NCOR2: variants seen among roughly 807,000 people sequenced by gnomAD.
NCOR2 encodes the protein nuclear receptor corepressor 2, also known as CTG repeat protein 26.
A neutral mutation model predicts 262.9 loss-of-function variants in NCOR2; 81 were observed. That is an observed-to-expected ratio of 0.31 (90% CI 0.26 to 0.37). NCOR2 has a LOEUF of 0.37. Ranked by LOEUF, NCOR2 falls within the 10% of genes least tolerant of loss-of-function variation. The pLI is 1.00. For missense variants in NCOR2, 3,385 were observed against 3,621.4 expected, an observed-to-expected ratio of 0.93 and a Z score of 1.68; for synonymous variants, 1,659 against 1,559.3, an observed-to-expected ratio of 1.06 and a Z score of -1.51.
chr12:124,410,545 C>T (rs896745620), intron 13 of NCOR2, among the ~76,000 whole-genome samples: 2 of 152,112 alleles, frequency 1.3e-5, no homozygotes, highest in Admixed American at 1.3e-4. Context: ...CCTCCTCTGG[C>T]AGGCCTGGGA....
intron 16 of NCOR2, chr12:124,388,782 G>GCGGCCGCGGT: frequency 7.7e-7 from 1 of 1,303,464 alleles, no homozygotes; most frequent in East Asian, 5.6e-5. Context: ...GGCAGGCTGG[G>GCGGCCGCGGT]CGGCCGCGGT....
rs568323081 is a variant in NCOR2, at chr12:124,419,220, G to A, written c.1482+737C>T. On this transcript the variant is annotated intron_variant, in intron 13 of 46. Transcript: ENST00000405201. ...AAACCAACTCCTTTTCCTCTAACTC[G>A]GAGGAAAAAGCAAACTTTTTCTATG... Among the ~76,000 whole-genome samples the A allele has an allele frequency of 2.6e-5, 4 of 152,198 alleles. No homozygotes were observed. In the East Asian group the frequency reaches 5.8e-4, roughly 22 times the overall value.
At chr12:124,339,569 A>T (rs1459184090) in intron 37 of NCOR2, among the ~76,000 whole-genome samples, 2 of 134,988 alleles carry the variant, frequency 1.5e-5, no homozygotes, top group African/African-American at 5.6e-5. Flanking sequence ...CCATCCATCC[A>T]CCCACCCAGC....
At chr12:124,340,235 AG>A in intron 36 of NCOR2, 31 bp from the exon 39 acceptor site, 1 of 1,605,240 alleles carries the variant, frequency 6.2e-7, no homozygotes. Flanking sequence ...CAGCAGGGGG[AG>A]GCCTCTTGCG....
At chr12:124,342,531 G>A (rs977671903) in intron 33 of NCOR2, among the ~76,000 whole-genome samples, 8 of 151,924 alleles carry the variant, frequency 5.3e-5, no homozygotes, top group African/African-American at 9.7e-5. Flanking sequence ...CACCACACCC[G>A]GCTAGTTTTT....
intron 44 of NCOR2, chr12:124,329,270 T>G: frequency 2.6e-6 from 1 of 389,482 alleles, no homozygotes; most frequent in Non-Finnish European, 5.1e-6. Context: ...GAGATCAGCC[T>G]GGCCAATATG....
chr12:124,435,417 G>C (rs1054528500), intron 8 of NCOR2, among the ~76,000 whole-genome samples: 2 of 152,230 alleles, frequency 1.3e-5, no homozygotes, highest in African/African-American at 4.8e-5. Flanking sequence ...GCTGGGCAAG[G>C]CACTGCTGGG....
exon 47 of NCOR2, chr12:124,325,536 C>T (rs2034548768): frequency 1.5e-6 from 2 of 1,336,510 alleles, no homozygotes; most frequent in African/African-American, 1.5e-5. Context: ...GCCATGACAC[C>T]CGCCTGCAGC....
intron 13 of NCOR2, among the ~76,000 whole-genome samples, chr12:124,410,284 C>A (rs561535202): frequency 6.7e-6 from 1 of 150,362 alleles, no homozygotes; most frequent in East Asian, 2.0e-4. Context: ...TGCATCCTGG[C>A]CCATGCAAAG....
intron 8 of NCOR2, 88 bp downstream of exon 10, chr12:124,437,842 G>T: frequency 1.5e-6 from 2 of 1,296,058 alleles, no homozygotes; most frequent in African/African-American, 1.5e-5. Context: ...CTGCGGAACT[G>T]ACAGGGCCCC....
At chr12:124,424,830 G>A (rs936869309) in intron 11 of NCOR2, among the ~76,000 whole-genome samples, 5 of 152,116 alleles carry the variant, frequency 3.3e-5, no homozygotes, top group African/African-American at 7.2e-5. Flanking sequence ...GGTGAACGTC[G>A]GGCAGTGACA....
At chr12:124,333,229 A>G (rs753908360) in exon 42 of NCOR2, 2 of 1,612,818 alleles carry the variant, frequency 1.2e-6, no homozygotes, top group African/African-American at 2.7e-5. Context: ...CACAGGTTCA[A>G]TACCGTCCTC....
At position 124,378,840 on chromosome 12, in the gene NCOR2, C is replaced by T. The variant is rs1039007917; in HGVS notation, c.2020-456G>A. ...GGAAGCTCGCGTTTCATTCCCTGAACCTTTACAGAACACCTACTGTGTGCC... is the reference window on the plus strand; with the variant it reads ...GGAAGCTCGCGTTTCATTCCCTGAATCTTTACAGAACACCTACTGTGTGCC... On this transcript the variant is annotated intron_variant, in intron 17 of 46. Coordinates refer to ENST00000405201, the Ensembl canonical transcript of NCOR2. This position sits in a 1 kb window ranked among gnomAD's most constrained non-coding sequence, Gnocchi z 4.2. Among the ~76,000 whole-genome samples the T allele has an allele frequency of 3.3e-5, 5 of 152,218 alleles. No individual in the cohort carries two copies. The highest frequency in any genetic ancestry group is 7.3e-5 in the Non-Finnish European group (5 of 68,040).
chr12:124,372,609 G>T, exon 20 of NCOR2: 1 of 1,596,282 alleles, frequency 6.3e-7, no homozygotes, highest in Non-Finnish European at 8.5e-7. Context: ...TGTTGACAGT[G>T]GCTGTGCAGG....
At chr12:124,361,019 G>A (rs1253517809) in intron 22 of NCOR2, among the ~76,000 whole-genome samples, 1 of 151,082 alleles carries the variant, frequency 6.6e-6, no homozygotes, top group African/African-American at 2.4e-5. Flanking sequence ...TTCAACAAAT[G>A]TCCTGACCCA....
chr12:124,400,127 C>T (rs1010382299), intron 15 of NCOR2, among the ~76,000 whole-genome samples: 6 of 152,202 alleles, frequency 3.9e-5, no homozygotes, highest in Non-Finnish European at 8.8e-5. Context: ...CGGAACTGGT[C>T]ACTGGGAATT....
rs2047553253 is a variant in NCOR2 at position 124,482,545 on chromosome 12, AC to A, written c.411+1050del. Among the ~76,000 whole-genome samples, 1 of 152,108 alleles carries A rather than the reference AC, an allele frequency of 6.6e-6. No individual in the cohort carries two copies. The highest frequency in any genetic ancestry group is 2.1e-4 in the South Asian group (1 of 4,822). ...CATGGGGCCCACAGCCGAGCCCTCT[AC>A]CCACATGACCAGGTGACACCCTGCC... On this transcript the variant is annotated intron_variant, in intron 3 of 46. Transcript: ENST00000405201. This position sits in a 1 kb window ranked among gnomAD's most constrained non-coding sequence, Gnocchi z 6.3.
Position 124,348,177 on chromosome 12 carries a change from C to G in NCOR2, c.3982G>C (p.Glu1328Gln), listed in dbSNP as rs1273765643. 3.1e-6 allele frequency: 5 copies of G among 1,610,786 alleles called. No homozygotes were observed. In the Admixed American group the frequency reaches 5.0e-5, roughly 16 times the overall value. ...GAAGTCTCCTCCCTGCTATCACCTT[C>G]GATGCTGGCTGAGGAGATGGCTCTG... Residue 1328 changes from glutamate (E) to glutamine (Q), a missense_variant, in exon 29 of 47, where the codon GAA becomes CAA. Glu to Gln is a conservative substitution (Grantham distance 29). Coordinates refer to ENST00000405201, the Ensembl canonical transcript of NCOR2.
chr12:124,354,747 G>A, intron 25 of NCOR2, 90 bp downstream of exon 27: 1 of 1,373,422 alleles, frequency 7.3e-7, no homozygotes, highest in South Asian at 1.3e-5. Flanking sequence ...GGAGTACCGT[G>A]GGCCAAGATA....
Sources: allele counts gnomAD v4.1 joint callset (sites outside exome capture counted in the v4.1 genomes callset), GRCh38; gene constraint gnomAD v4.1.1; non-coding constraint Gnocchi (gnomAD v3.1); transcripts MANE v1.5; gene names NCBI Gene and HGNC (gene_info 2026-07-23, HGNC 2026-07-21).